Variants in FBXO31 observed in about 807,000 individuals in gnomAD.
FBXO31 encodes F-box only protein 31.
FBXO31 carries 24 observed loss-of-function variants against 54.4 expected under a neutral mutation model. The ratio of observed to expected loss-of-function variants is 0.44; its 90% confidence interval spans 0.32 to 0.62. FBXO31 has a LOEUF of 0.62. FBXO31 is among the 20% of genes least tolerant of loss of function. The probability of loss-of-function intolerance (pLI) is 0.05; values close to 1 mark genes in which losing one functional copy is unlikely to be tolerated. For synonymous variants in FBXO31, 388 were observed against 335.6 expected (o/e 1.16, Z -1.71); for missense variants, 665 against 787.1 (o/e 0.84, Z 1.86).
chr16:87,342,813 A>G (rs1905233814), intron 5 of FBXO31, 64 bp downstream of exon 5: 1 of 1,404,018 alleles, frequency 7.1e-7, no homozygotes, highest in South Asian at 1.3e-5. Flanking sequence ...ATGGGTCTGT[A>G]CTTTCCCCGT....
At chr16:87,372,039 C>T (rs1906625148) in intron 1 of FBXO31, among the ~76,000 whole-genome samples, 1 of 152,008 alleles carries the variant, frequency 6.6e-6, no homozygotes, top group South Asian at 2.1e-4. Context: ...GTCTGGACAA[C>T]ATGGCAAAAC....
chr16:87,368,195 C>T (rs2150690901), intron 1 of FBXO31, among the ~76,000 whole-genome samples: 1 of 152,270 alleles, frequency 6.6e-6, no homozygotes, highest in South Asian at 2.1e-4. Flanking sequence ...ATACAACAAT[C>T]CTTAGTGGGT....
chr16:87,360,250 C>T, intron 2 of FBXO31, 45 bp downstream of exon 2: 1 of 1,555,628 alleles, frequency 6.4e-7, no homozygotes, highest in Non-Finnish European at 8.9e-7. Flanking sequence ...CTGTCTGCTT[C>T]TGGTACAAAG....
At chr16:87,333,778 C>CTCTGTGAGGTCACAGGCCT in intron 8 of FBXO31, 108 bp downstream of exon 8, 2 of 1,484,684 alleles carry the variant, frequency 1.3e-6, no homozygotes, top group Admixed American at 4.6e-5. Context: ...GGCTGCCGCC[C>CTCTGTGAGGTCACAGGCCT]TCTGTGAGGT....
chr16:87,344,785 C>T (rs1389187205), intron 3 of FBXO31, among the ~76,000 whole-genome samples: 3 of 152,322 alleles, frequency 2.0e-5, no homozygotes, highest in Non-Finnish European at 2.9e-5. Flanking sequence ...GGCTGGAGCA[C>T]GCGACGCCCA....
rs558147321 is a variant in FBXO31, at chr16:87,332,669, C to T, written c.1398-1159G>A. Among the ~76,000 whole-genome samples the T allele has an allele frequency of 2.0e-5, 3 of 150,978 alleles. No individual in the cohort carries two copies. The East Asian group carries it at 5.9e-4, about 29-fold the overall frequency. On this transcript the variant is annotated intron_variant, in intron 8 of 8. Coordinates refer to ENST00000311635, the MANE Select transcript of FBXO31 (RefSeq NM_024735.5). ...GCTGGAACTGTGGCACCCTTCCCCCCACCCAGACATCCAAACCCCCTCCGG... is the reference window on the plus strand; with the variant it reads ...GCTGGAACTGTGGCACCCTTCCCCCTACCCAGACATCCAAACCCCCTCCGG...
At chr16:87,361,801 G>T (rs1019347246) in intron 1 of FBXO31, among the ~76,000 whole-genome samples, 1 of 152,232 alleles carries the variant, frequency 6.6e-6, no homozygotes, top group Non-Finnish European at 1.5e-5. Context: ...GTCAAGGCGA[G>T]GTGGCTGCTA....
At chr16:87,355,558 G>A (rs1347269014) in intron 2 of FBXO31, among the ~76,000 whole-genome samples, 1 of 152,128 alleles carries the variant, frequency 6.6e-6, no homozygotes, top group Non-Finnish European at 1.5e-5. Flanking sequence ...TTTAACTGCT[G>A]TTTTTCATTT....
chr16:87,331,815 G>A (rs1194160812), intron 8 of FBXO31, among the ~76,000 whole-genome samples: 1 of 152,240 alleles, frequency 6.6e-6, no homozygotes, highest in Non-Finnish European at 1.5e-5. Flanking sequence ...TTCACCCACT[G>A]ACTGCACAAT....
chr16:87,389,495 C>T (rs1597385292), intron 1 of FBXO31: 1 of 152,180 alleles, frequency 6.6e-6, no homozygotes, highest in Admixed American at 6.5e-5. Flanking sequence ...GCTTCCCCTC[C>T]CCCATCTCCA....
chr16:87,335,864 C>G lies in FBXO31; in HGVS notation c.842+291G>C, dbSNP rs939042653. ...ACAGGAAATCAGATAAAAACAGACA[C>G]CCGGGTGAAGGATGGGGTCTGGGGC... On this transcript the variant is annotated intron_variant, in intron 6 of 8. Transcript: ENST00000311635. This position sits in a 1 kb window ranked among gnomAD's most constrained non-coding sequence, Gnocchi z 5.7. Among the ~76,000 whole-genome samples, 1 of 152,110 alleles carries G rather than the reference C, an allele frequency of 6.6e-6. No individual in the cohort carries two copies. The highest frequency in any genetic ancestry group is 1.5e-5 in the Non-Finnish European group (1 of 68,008).
rs201102061 is a variant in FBXO31 at position 87,347,164 on chromosome 16, C to T, written c.489+10G>A. 39 of 1,613,474 alleles carry T rather than the reference C, an allele frequency of 2.4e-5. No individual in the cohort carries two copies. The Middle Eastern group carries it at 5.0e-4, about 21-fold the overall frequency. On this transcript the variant is annotated intron_variant, in intron 3 of 8. Coordinates refer to ENST00000311635, the MANE Select transcript of FBXO31 (RefSeq NM_024735.5). ...GTGCACAGACCTCGTCGCGAGGCTC[C>T]GGGACTTACCACCACGTTCAGCAGT...
chr16:87,360,406 C>G (rs1906082021), intron 1 of FBXO31, 40 bp from the exon 2 acceptor site: 1 of 1,588,480 alleles, frequency 6.3e-7, no homozygotes, highest in East Asian at 2.2e-5. Flanking sequence ...AGATCAACAA[C>G]TCATAACGCG....
At chr16:87,375,030 A>G (rs1279799536) in intron 1 of FBXO31, among the ~76,000 whole-genome samples, 2 of 152,152 alleles carry the variant, frequency 1.3e-5, no homozygotes, top group African/African-American at 2.4e-5. Context: ...AAAAAATACA[A>G]AAGTTAGGCC....
chr16:87,331,163 G>T lies in FBXO31; in HGVS notation c.*125C>A, dbSNP rs1904839864. The T allele has an allele frequency of 1.2e-6, 1 of 862,224 alleles. No individual in the cohort carries two copies. The highest frequency in any genetic ancestry group is 1.8e-6 in the Non-Finnish European group (1 of 549,652). 53.4% of individuals were successfully genotyped at this position (862,224 alleles called of 1,614,324 possible). A position where few individuals can be genotyped will look rare whatever the true frequency, so the allele number is the denominator to read the frequency against. On this transcript the variant is annotated 3_prime_UTR_variant, in exon 9 of 9. Transcript: ENST00000311635. ...AAGTGCTGGGGGGTGGCTGGACTGG[G>T]CCCCCCGACGAGGTGTGCGTTCTGG...
chr16:87,388,481 G>T (rs916811868), upstream of FBXO31, among the ~76,000 whole-genome samples: 1 of 152,240 alleles, frequency 6.6e-6, no homozygotes, highest in Non-Finnish European at 1.5e-5. Flanking sequence ...CGACAAAGCC[G>T]GTGGCCTCTC....
upstream of FBXO31, chr16:87,383,946 C>T: frequency 3.6e-6 from 1 of 274,838 alleles, no homozygotes; most frequent in Non-Finnish European, 6.5e-6. This position sits in a 1 kb window ranked among gnomAD's most constrained non-coding sequence, Gnocchi z 4.9. Flanking sequence ...CTGCTGCCCT[C>T]CCCTCCAGCG....
chr16:87,375,280 C>G (rs1597378236), intron 1 of FBXO31, among the ~76,000 whole-genome samples: 1 of 152,064 alleles, frequency 6.6e-6, no homozygotes, highest in East Asian at 1.9e-4. Context: ...GCACTCCAGC[C>G]TGGGTGACAG....
intron 2 of FBXO31, among the ~76,000 whole-genome samples, chr16:87,351,971 C>T (rs545098850): frequency 1.3e-5 from 2 of 152,284 alleles, no homozygotes; most frequent in Non-Finnish European, 2.9e-5. Flanking sequence ...TCACTAGGGA[C>T]ACGAGAAAAC....
Sources: allele counts gnomAD v4.1 joint callset (sites outside exome capture counted in the v4.1 genomes callset), GRCh38; gene constraint gnomAD v4.1.1; non-coding constraint Gnocchi (gnomAD v3.1); transcripts MANE v1.5; gene names NCBI Gene and HGNC (gene_info 2026-07-23, HGNC 2026-07-21).